The following PRG3 variants were observed in gnomAD, a reference collection of about 807,000 sequenced individuals.
PRG3 encodes the protein proteoglycan 3, pro eosinophil major basic protein 2, also known as proteoglycan 3.
PRG3 carries 25 observed loss-of-function variants against 26.1 expected under a neutral mutation model. The ratio of observed to expected loss-of-function variants is 0.96; its 90% CI spans 0.70 to 1.34. The LOEUF (loss-of-function observed/expected upper bound fraction) is 1.34. Among genes scored for constraint, PRG3 ranks in the 40% most tolerant of loss-of-function variants. The pLI is 0.00. For synonymous variants in PRG3, 111 were observed against 100.4 expected (o/e 1.11, Z -0.63); for missense variants, 280 against 264.8 (o/e 1.06, Z -0.40).
Position 57,378,679 on chromosome 11 carries a change from A to G in PRG3, c.507+2T>C. 6.2e-7 allele frequency: 1 copy of G among 1,613,124 alleles called. No homozygotes were observed. Among genetic ancestry groups the G allele is most frequent in the East Asian group, 2.2e-5 (1 of 44,868 alleles). On this transcript the variant is annotated splice_donor_variant, in intron 4 of 5. Transcript: ENST00000287143. LOFTEE classifies it high-confidence loss of function. ...GCACCCAAGATTTGGCCCCTGACTT[A>G]CCCAGCCCCTGAGGTTGCCTCCAAT... is the stretch of plus-strand genomic sequence containing the variant.
rs1856948862 is a variant in PRG3, at chr11:57,376,784, G to A, written c.*66C>T. The stretch of plus-strand genomic sequence containing the variant: ...AGTCAGGAAATGCTGTGGGAAGTCT[G>A]GATTTATGAGCAGGAGAGGTTGGGG... On this transcript the variant is annotated 3_prime_UTR_variant, in exon 6 of 6. Transcript: ENST00000287143. 1 of 1,527,512 alleles carries A rather than the reference G, an allele frequency of 6.5e-7. No individual in the cohort carries two copies. Among genetic ancestry groups the A allele is most frequent in the Admixed American group, 1.7e-5 (1 of 59,794 alleles). The allele number at this position is 1,527,512 out of a possible 1,614,324, so 94.6% of individuals were successfully genotyped here. A position where few individuals can be genotyped will look rare whatever the true frequency, so the allele number is the denominator to read the frequency against.
chr11:57,378,224 GA>G (rs1258807717), intron 4 of PRG3, among the ~76,000 whole-genome samples: 2 of 151,896 alleles, frequency 1.3e-5, no homozygotes, highest in African/African-American at 4.8e-5. Context: ...CACAATTCCA[GA>G]ACCACCCTGA....
At chr11:57,379,470 C>T (rs765099967) in intron 3 of PRG3, 24 bp downstream of exon 3, 44 of 1,572,644 alleles carry the variant, frequency 2.8e-5, no homozygotes, top group Admixed American at 7.1e-5. Flanking sequence ...CCAGGTCCTC[C>T]GCAGTAGCCT....
Position 57,380,642 on chromosome 11 carries a change from A to G in PRG3, c.61+6T>C, listed in dbSNP as rs1434094814. On this transcript the variant is annotated splice_donor_region_variant and intron_variant, in intron 2 of 5. Transcript: ENST00000287143. ...AGACGCATGAGGAGGGAAGGGAGAG[A>G]CTTACCCAGATGAAGAGCAGAAACT... is the stretch of plus-strand genomic sequence containing the variant. 2 of 1,569,454 alleles carry G rather than the reference A, an allele frequency of 1.3e-6. No individual in the cohort carries two copies. Among genetic ancestry groups the G allele is most frequent in the Non-Finnish European group, 1.7e-6 (2 of 1,160,712 alleles).
rs1019686180 is a variant in PRG3, at chr11:57,378,827, A to G, written c.376-15T>C. The G allele has an allele frequency of 1.2e-6, 2 of 1,612,694 alleles. No homozygotes were observed. The highest frequency in any genetic ancestry group is 2.2e-5 in the East Asian group (1 of 44,842). On this transcript the variant is annotated splice_polypyrimidine_tract_variant and intron_variant, in intron 3 of 5. Coordinates refer to ENST00000287143, the MANE Select transcript of PRG3 (RefSeq NM_006093.4). ...CTGCAGACATTCTGCAGACGGAAAC[A>G]AAGTAGAGAATTCCCTCTCATTTAT...
intron 5 of PRG3, 87 bp downstream of exon 5, chr11:57,377,638 G>T: frequency 9.1e-7 from 1 of 1,101,318 alleles, no homozygotes; most frequent in Non-Finnish European, 1.3e-6. Flanking sequence ...CTGAGTTTGG[G>T]GAGGTGTGTT....
rs745428330 is a variant in PRG3 at position 57,378,749 on chromosome 11, G to A, written c.439C>T (p.Arg147Cys). 30 of 1,613,712 alleles carry A rather than the reference G, an allele frequency of 1.9e-5. No individual in the cohort carries two copies. The highest frequency in any genetic ancestry group is 1.1e-4 in the South Asian group (10 of 91,082). The part of the protein sequence containing the change: ...VSIHDFNFNY[R>C]IQCCTSTVNQ... ...ACTGTGCTAGTGCAGCACTGAATGC[G>A]ATAGTTGAAGTTGAAGTCATGGATA... Residue 147 changes from arginine to cysteine, a missense_variant, in exon 4 of 6, where the codon CGC becomes TGC. Coordinates refer to ENST00000287143, the MANE Select transcript of PRG3 (RefSeq NM_006093.4).
In PRG3 at chr11:57,378,769, T is replaced by G; in HGVS notation, c.419A>C (p.His140Pro). The G allele has an allele frequency of 6.2e-7, 1 of 1,613,862 alleles. No homozygotes were observed. The highest frequency in any genetic ancestry group is 1.1e-5 in the South Asian group (1 of 91,076). Residue 140 changes from histidine (H) to proline (P), a missense_variant, in exon 4 of 6, where the codon CAT (histidine) becomes CCT (proline). His to Pro is a moderately conservative substitution (Grantham distance 77). Coordinates refer to ENST00000287143, the MANE Select transcript of PRG3 (RefSeq NM_006093.4). ...RCYGGNLVSI[H>P]DFNFNYRIQC... The stretch of plus-strand genomic sequence containing the variant: ...AATGCGATAGTTGAAGTTGAAGTCA[T>G]GGATAGAGACAAGGTTGCCTCCGTA...
chr11:57,377,757 C>A lies in PRG3; in HGVS notation c.587G>T (p.Gly196Val), dbSNP rs751755007. ...GCATAGGGCCACACAGGAGCCTTGC[C>A]CATTCCCAGGTTGCCCTGGGGACCA... is the stretch of plus-strand genomic sequence containing the variant. ...AYWSPGQPGN[G>V]QGSCVALCTK... The change falls in exon 5 of 6, where the codon GGG (glycine) becomes GTG (valine). Residue 196 changes from glycine to valine, a missense_variant. Transcript: ENST00000287143. 1 of 1,612,970 alleles carries A rather than the reference C, an allele frequency of 6.2e-7. No individual in the cohort carries two copies. The highest frequency in any genetic ancestry group is 1.3e-5 in the African/African-American group (1 of 74,918).
In PRG3 at chr11:57,378,680, C is replaced by T. The variant is rs1856968189; in HGVS notation, c.507+1G>A. ...CACCCAAGATTTGGCCCCTGACTTA[C>T]CCAGCCCCTGAGGTTGCCTCCAATC... On this transcript the variant is annotated splice_donor_variant, in intron 4 of 5. Coordinates refer to ENST00000287143, the MANE Select transcript of PRG3 (RefSeq NM_006093.4). LOFTEE classifies it high-confidence loss of function. 1 of 1,613,146 alleles carries T rather than the reference C, an allele frequency of 6.2e-7. No homozygotes were observed.
At chr11:57,380,983 G>A in intron 1 of PRG3, 131 bp downstream of exon 1, 1 of 273,536 alleles carries the variant, frequency 3.7e-6, no homozygotes, top group Non-Finnish European at 6.7e-6. Context: ...CCAGACTCCT[G>A]CCCCTGCGGG....
chr11:57,377,720 C>G lies in PRG3; in HGVS notation c.619+5G>C, dbSNP rs1004838859. The G allele has an allele frequency of 3.1e-6, 5 of 1,608,998 alleles. No homozygotes were observed. The highest frequency in any genetic ancestry group is 1.7e-6 in the Non-Finnish European group (2 of 1,176,634). ...TCTCCCTGCCCTGGTGCCCTTCCCCCTCACCTTTGGTGCATAGGGCCACAC... is the reference window on the plus strand; with the variant it reads ...TCTCCCTGCCCTGGTGCCCTTCCCCGTCACCTTTGGTGCATAGGGCCACAC... On this transcript the variant is annotated splice_donor_5th_base_variant and intron_variant, in intron 5 of 5. Transcript: ENST00000287143.
chr11:57,379,662 A>C lies in PRG3; in HGVS notation c.207T>G (p.Cys69Trp), dbSNP rs567500232. Residue 69 changes from cysteine to tryptophan, a missense_variant, in exon 3 of 6, where the codon TGT (cysteine) becomes TGG (tryptophan). Transcript: ENST00000287143. Reference sequence around the variant, plus strand: ...CTTCCTCATCCTCAAAGTTGTCTTGACAGGCAGAAGCCTTGACCTCCTCTC... The same window carrying C: ...CTTCCTCATCCTCAAAGTTGTCTTGCCAGGCAGAAGCCTTGACCTCCTCTC... The part of the protein sequence containing the change: ...AEGEEVKASA[C>W]QDNFEDEEAM... The C allele has an allele frequency of 3.7e-6, 6 of 1,613,918 alleles. No individual in the cohort carries two copies. The East Asian group carries it at 1.3e-4, about 36-fold the overall frequency.
chr11:57,379,444 T>C, intron 3 of PRG3, 50 bp downstream of exon 3: 1 of 1,485,038 alleles, frequency 6.7e-7, no homozygotes, highest in Non-Finnish European at 9.1e-7. Flanking sequence ...GAAGACTGAA[T>C]GTACTCTCTT....
chr11:57,380,775 A>G lies in PRG3; in HGVS notation c.-67T>C. On this transcript the variant is annotated 5_prime_UTR_variant, in exon 2 of 6. Transcript: ENST00000287143. ...TTGGGGCTGTCTTTGTGTGTCTAGT[A>G]TAGCCCCTGGCACATAGTATAGAGG... The G allele has an allele frequency of 8.6e-7, 1 of 1,159,660 alleles. No homozygotes were observed. The allele number at this position is 1,159,660 out of a possible 1,614,324, so 71.8% of individuals were successfully genotyped here.
rs1856980060 is a variant in PRG3, at chr11:57,379,729, T to C, written c.140A>G (p.Glu47Gly). Residue 47 changes from glutamate to glycine, a missense_variant, in exon 3 of 6, where the codon GAG becomes GGG. Physicochemically the swap from Glu to Gly is moderately conservative, Grantham distance 98. Transcript: ENST00000287143. Reference protein sequence around the residue: ...GQDLDSSKEQERDLALTEEVI... With the variant: ...GQDLDSSKEQGRDLALTEEVI... Reference sequence around the variant, plus strand: ...CTCCTCCGTCAGAGCCAAGTCTCTCTCCTGCTCCTTTGAACTATCCAGATC... The same window carrying C: ...CTCCTCCGTCAGAGCCAAGTCTCTCCCCTGCTCCTTTGAACTATCCAGATC... The C allele has an allele frequency of 6.2e-7, 1 of 1,613,902 alleles. No homozygotes were observed. Among genetic ancestry groups the C allele is most frequent in the Admixed American group, 1.7e-5 (1 of 60,006 alleles).
At chr11:57,380,428 AAAAC>A (rs1459881187) in intron 2 of PRG3, among the ~76,000 whole-genome samples, 3 of 151,728 alleles carry the variant, frequency 2.0e-5, no homozygotes, top group African/African-American at 7.3e-5. Flanking sequence ...AACAAAAAAA[AAAAC>A]AAAAACAACA....
chr11:57,376,987 C>T, intron 5 of PRG3, 79 bp from the exon 6 acceptor site: 11 of 1,430,898 alleles, frequency 7.7e-6, no homozygotes, highest in Non-Finnish European at 1.1e-5. Context: ...CCTCAGGGGC[C>T]CCCTATGTCC....
Position 57,379,950 on chromosome 11 carries a change from G to A in PRG3, c.62-143C>T, listed in dbSNP as rs1358676457. 3.9e-6 allele frequency: 3 copies of A among 768,460 alleles called. No homozygotes were observed. The Admixed American group carries it at 8.9e-5, about 23-fold the overall frequency. 47.6% of individuals were successfully genotyped at this position (768,460 alleles called of 1,614,324 possible). A position where few individuals can be genotyped will look rare whatever the true frequency, so the allele number is the denominator to read the frequency against. On this transcript the variant is annotated intron_variant, in intron 2 of 5. Coordinates refer to ENST00000287143, the MANE Select transcript of PRG3 (RefSeq NM_006093.4). ...GGATTTCCTTGGTGTTAGGTAAGGA[G>A]AGATCTCTCGGGTCACACCCACAAA...
Sources: allele counts gnomAD v4.1 joint callset (sites outside exome capture counted in the v4.1 genomes callset), GRCh38; gene constraint gnomAD v4.1.1; transcripts MANE v1.5; gene names NCBI Gene and HGNC (gene_info 2026-07-23, HGNC 2026-07-21).